MIA2: variants seen among roughly 807,000 people sequenced by gnomAD.
The protein encoded by MIA2 is MIA SH3 domain ER export factor 2, also known as melanoma inhibitory activity protein 2.
MIA2 carries 127 observed loss-of-function variants against 167.8 expected under a neutral mutation model. The ratio of observed to expected loss-of-function variants is 0.76; its 90% CI spans 0.66 to 0.88. The LOEUF is 0.88. Ranked by LOEUF, MIA2 falls within the 40% of genes least tolerant of loss-of-function variation. The pLI is 0.00. For synonymous variants in MIA2, 552 were observed against 541.9 expected, an observed-to-expected ratio of 1.02 and a Z score of -0.26; for missense variants, 1,690 against 1,624.7, an observed-to-expected ratio of 1.04 and a Z score of -0.69.
intron 23 of MIA2, among the ~76,000 whole-genome samples, chr14:39,359,001 G>A (rs2074606818): frequency 6.6e-6 from 1 of 152,184 alleles, no homozygotes; most frequent in African/African-American, 2.4e-5. Flanking sequence ...CGGGGGTCAG[G>A]GACCCACTTG....
At chr14:39,357,208 A>C (rs2074552334) in intron 23 of MIA2, among the ~76,000 whole-genome samples, 2 of 152,152 alleles carry the variant, frequency 1.3e-5, no homozygotes, top group South Asian at 4.1e-4. Context: ...TAGGTCTCTA[A>C]GGACTTGCTT....
At chr14:39,326,796 T>C (rs1469509801) in intron 24 of MIA2, 68 bp from the exon 25 acceptor site, 9 of 1,369,134 alleles carry the variant, frequency 6.6e-6, no homozygotes, top group Non-Finnish European at 8.9e-6. Context: ...ACTGATTTTA[T>C]GTGTAAAACA....
intron 21 of MIA2, among the ~76,000 whole-genome samples, chr14:39,317,013 A>AAGGTAG (rs1398416258): frequency 6.6e-6 from 1 of 152,180 alleles, no homozygotes. Flanking sequence ...GAAGTCTTCT[A>AAGGTAG]AGGTAGATAA....
At position 39,281,571 on chromosome 14, in the gene MIA2, A is replaced by C. The variant is rs573162292; in HGVS notation, c.2130+2034A>C. ...TTCTCTGGTACAATTCTATTTTTTA[A>C]TTCCATTTACACATTATGCTCTCTT... is the stretch of plus-strand genomic sequence containing the variant. On this transcript the variant is annotated intron_variant, in intron 9 of 28. Coordinates refer to ENST00000640607, the MANE Select transcript of MIA2 (RefSeq NM_001329214.4). Among the ~76,000 whole-genome samples the C allele has an allele frequency of 8.9e-5, 13 of 146,696 alleles. No homozygotes were observed. The East Asian group carries it at 2.2e-3, about 25-fold the overall frequency.
intron 13 of MIA2, among the ~76,000 whole-genome samples, chr14:39,295,906 G>A (rs1280644491): frequency 6.6e-6 from 1 of 152,066 alleles, no homozygotes; most frequent in African/African-American, 2.4e-5. Flanking sequence ...TTTCCTTAGG[G>A]TTAATAATTG....
chr14:39,281,657 C>A (rs7494635), intron 9 of MIA2, among the ~76,000 whole-genome samples: 25,600 of 147,584 alleles, frequency 0.17, 2,398 homozygotes, highest in Middle Eastern at 0.27. Flanking sequence ...TCCCCTGTTG[C>A]CCAGGCTGGA....
intron 2 of MIA2, chr14:39,237,316 C>T (rs2053798462): frequency 2.3e-6 from 1 of 429,692 alleles, no homozygotes; most frequent in Admixed American, 3.4e-5. Context: ...TTGGTAGAGA[C>T]AGCATTTCAC....
intron 23 of MIA2, among the ~76,000 whole-genome samples, chr14:39,320,330 T>G (rs747503619): frequency 2.0e-5 from 3 of 152,218 alleles, no homozygotes; most frequent in Non-Finnish European, 2.9e-5. Flanking sequence ...GGTAGGTGTC[T>G]TGGCTGTATA....
chr14:39,236,983 C>A lies in MIA2; in HGVS notation c.177C>A (p.Asn59Lys). 1 of 1,614,044 alleles carries A rather than the reference C, an allele frequency of 6.2e-7. No individual in the cohort carries two copies. The highest frequency in any genetic ancestry group is 8.5e-7 in the Non-Finnish European group (1 of 1,179,934). ...GAGGACCTGACTGCCGATACCTGAA[C>A]TTCACTAAGGGAGAAGAGATATCTG... ...DYRGPDCRYLNFTKGEEISVY... is the reference protein window; with the variant it reads ...DYRGPDCRYLKFTKGEEISVY... Residue 59 changes from asparagine to lysine, a missense_variant, in exon 2 of 29, where the codon AAC (asparagine) becomes AAA (lysine). Physicochemically the swap from Asn to Lys is moderately conservative, Grantham distance 94. Coordinates refer to ENST00000640607, the MANE Select transcript of MIA2 (RefSeq NM_001329214.4).
chr14:39,316,005 A>T (rs2152951510), intron 21 of MIA2, among the ~76,000 whole-genome samples: 1 of 152,306 alleles, frequency 6.6e-6, no homozygotes, highest in Admixed American at 6.5e-5. Flanking sequence ...GTTCCAGGGC[A>T]CTGGATTGCC....
chr14:39,248,277 A>AGAT, intron 4 of MIA2, 136 bp downstream of exon 4: 1 of 608,652 alleles, frequency 1.6e-6, no homozygotes, highest in East Asian at 3.9e-5. Flanking sequence ...TTTCCAGTTT[A>AGAT]CTCTGGAATT....
chr14:39,275,624 C>T (rs1011008864), intron 6 of MIA2, among the ~76,000 whole-genome samples: 3 of 152,118 alleles, frequency 2.0e-5, no homozygotes, highest in Non-Finnish European at 4.4e-5. Flanking sequence ...AGTTAGTGTG[C>T]GTCTTATGTG....
chr14:39,357,912 C>G (rs888693382), intron 23 of MIA2, among the ~76,000 whole-genome samples: 1 of 152,132 alleles, frequency 6.6e-6, no homozygotes, highest in African/African-American at 2.4e-5. Context: ...AAGATTCTGC[C>G]GAGAGATCAG....
intron 3 of MIA2, 98 bp downstream of exon 3, chr14:39,240,745 A>G: frequency 1.4e-6 from 1 of 726,704 alleles, no homozygotes; most frequent in Non-Finnish European, 2.3e-6. Context: ...TACCTTTTAT[A>G]GTAAATGCAT....
intron 6 of MIA2, among the ~76,000 whole-genome samples, chr14:39,264,394 C>T (rs745522383): frequency 6.6e-6 from 1 of 152,158 alleles, no homozygotes; most frequent in Non-Finnish European, 1.5e-5. Context: ...GTGAATAGTG[C>T]TGCAATGAAC....
rs1351544960 is a variant in MIA2, at chr14:39,319,895, T to G, written c.3367+604T>G. Among the ~76,000 whole-genome samples, 3 of 152,082 alleles carry G rather than the reference T, an allele frequency of 2.0e-5. No individual in the cohort carries two copies. The South Asian group carries it at 6.2e-4, about 31-fold the overall frequency. On this transcript the variant is annotated intron_variant, in intron 23 of 28. Transcript: ENST00000640607. ...CAGTTTAAATTTTTTCATAATAATT[T>G]TGGTTGAATTGGAATTAAGCTTCTA...
intron 6 of MIA2, among the ~76,000 whole-genome samples, chr14:39,265,067 A>G (rs2055385280): frequency 6.6e-6 from 1 of 152,174 alleles, no homozygotes; most frequent in African/African-American, 2.4e-5. Flanking sequence ...CAGTTATCAA[A>G]TTCAGGATTT....
chr14:39,296,636 TA>T (rs1440087019), intron 13 of MIA2, among the ~76,000 whole-genome samples: 8 of 146,626 alleles, frequency 5.5e-5, no homozygotes, highest in African/African-American at 1.8e-4. Flanking sequence ...TTATTTTTAT[TA>T]TTTTTTTTTT....
intron 27 of MIA2, among the ~76,000 whole-genome samples, chr14:39,348,251 T>A (rs1567023788): frequency 6.6e-6 from 1 of 152,220 alleles, no homozygotes; most frequent in African/African-American, 2.4e-5. Context: ...GAAAGCTGTT[T>A]CTTTTGTAGA....
Sources: allele counts gnomAD v4.1 joint callset (sites outside exome capture counted in the v4.1 genomes callset), GRCh38; gene constraint gnomAD v4.1.1; transcripts MANE v1.5; gene names NCBI Gene and HGNC (gene_info 2026-07-23, HGNC 2026-07-21).